Variants in RUNX1 observed in about 807,000 individuals in gnomAD.
The protein encoded by RUNX1 is RUNX family transcription factor 1.
A neutral mutation model predicts 42.8 loss-of-function variants in RUNX1; 19 were observed. The observed-to-expected ratio is 0.44, with a 90% confidence interval of 0.31 to 0.65. The LOEUF is 0.65. RUNX1 is among the 30% of genes least tolerant of loss of function. The pLI is 0.07. For synonymous variants in RUNX1, 271 were observed against 289.4 expected (o/e 0.94, Z 0.64); for missense variants, 528 against 672.0 (o/e 0.79, Z 2.37).
chr21:34,840,001 C>T (rs1051565165), intron 6 of RUNX1, among the ~76,000 whole-genome samples: 1 of 152,196 alleles, frequency 6.6e-6, no homozygotes, highest in African/African-American at 2.4e-5. Flanking sequence ...TCAATACACA[C>T]AGAGCAGCTG....
At chr21:35,045,295 G>A (rs562108315) in intron 2 of RUNX1, among the ~76,000 whole-genome samples, 3 of 152,002 alleles carry the variant, frequency 2.0e-5, no homozygotes, top group Non-Finnish European at 4.4e-5. Context: ...ACATCCAAGA[G>A]AGCAGCCAGG....
chr21:35,015,376 T>C (rs2059152207), intron 2 of RUNX1, among the ~76,000 whole-genome samples: 1 of 152,188 alleles, frequency 6.6e-6, no homozygotes, highest in Non-Finnish European at 1.5e-5. Flanking sequence ...TTTCTTCCCC[T>C]TGTTTTTGGT....
At chr21:34,867,063 T>C (rs1456645635) in intron 5 of RUNX1, among the ~76,000 whole-genome samples, 1 of 152,154 alleles carries the variant, frequency 6.6e-6, no homozygotes, top group Non-Finnish European at 1.5e-5. Flanking sequence ...CAGAATTTTA[T>C]TCATCTTTGT....
rs376963970 is a variant in RUNX1, at chr21:34,799,386, A to C, written c.882T>G (p.Pro294=). 1 of 1,614,220 alleles carries C rather than the reference A, an allele frequency of 6.2e-7. No individual in the cohort carries two copies. The highest frequency in any genetic ancestry group is 1.1e-5 in the South Asian group (1 of 91,088). Residue 294 remains proline, a synonymous_variant, in exon 8 of 9, where the codon CCT becomes CCG. Coordinates refer to ENST00000675419, the MANE Select transcript of RUNX1 (RefSeq NM_001754.5). Reference sequence around the variant, plus strand: ...AAATGGGCGTTGCTGGGTGCACAGAAGGAGAGGCAATGGATCCCAGGTATT... The same window carrying C: ...AAATGGGCGTTGCTGGGTGCACAGACGGAGAGGCAATGGATCCCAGGTATT... ...SYQYLGSIAS[P]SVHPATPISP...
chr21:34,888,945 GCCCGGGGCCCCGCCCGCGTGCGGA>G (rs2058039966), intron 3 of RUNX1, among the ~76,000 whole-genome samples: 1 of 151,502 alleles, frequency 6.6e-6, no homozygotes, highest in South Asian at 2.1e-4. Context: ...CTGCATGCTG[GCCCGGGGCCCCGCCCGCGTGCGGA>G]CCCCTTTCCG....
At chr21:34,881,392 C>A (rs1364940143) in intron 4 of RUNX1, among the ~76,000 whole-genome samples, 1 of 152,178 alleles carries the variant, frequency 6.6e-6, no homozygotes, top group African/African-American at 2.4e-5. Context: ...ACCTCCTACT[C>A]ATCGCTATTA....
intron 2 of RUNX1, among the ~76,000 whole-genome samples, chr21:34,921,049 G>A (rs2058350092): frequency 6.6e-6 from 1 of 152,072 alleles, no homozygotes; most frequent in Non-Finnish European, 1.5e-5. Context: ...AGTAGAGTCG[G>A]GGTTTCACCA....
chr21:34,987,324 A>G (rs2058896490), intron 2 of RUNX1, among the ~76,000 whole-genome samples: 1 of 152,222 alleles, frequency 6.6e-6, no homozygotes, highest in South Asian at 2.1e-4. Flanking sequence ...GGAAAGCCAG[A>G]CATTTGAGGG....
chr21:34,966,398 T>C (rs2058718532), intron 2 of RUNX1, among the ~76,000 whole-genome samples: 1 of 152,240 alleles, frequency 6.6e-6, no homozygotes, highest in African/African-American at 2.4e-5. Flanking sequence ...ATACTTTTAT[T>C]ATCCCCAGTT....
chr21:34,901,095 T>C lies in RUNX1; in HGVS notation c.59-8132A>G, dbSNP rs572071585. On this transcript the variant is annotated intron_variant, in intron 2 of 8. Coordinates refer to ENST00000675419, the MANE Select transcript of RUNX1 (RefSeq NM_001754.5). The surrounding 1 kb of genome is among the most constrained non-coding windows in gnomAD (Gnocchi z 4.3). ...TGGAATCCATCCTCATCAGAAGAAA[T>C]AACCAAGGAGCGGGAATGTGGGGAG... is the stretch of plus-strand genomic sequence containing the variant. Among the ~76,000 whole-genome samples the C allele has an allele frequency of 6.6e-6, 1 of 152,238 alleles. No homozygotes were observed. The highest frequency in any genetic ancestry group is 2.1e-4 in the South Asian group (1 of 4,820).
chr21:34,926,845 ACAT>A (rs71319520), intron 2 of RUNX1, among the ~76,000 whole-genome samples: 54,824 of 151,742 alleles, frequency 0.36, 10,119 homozygotes, highest in South Asian at 0.48. Context: ...TTCCCTAAAG[ACAT>A]CAGCACCTTA....
At chr21:34,967,003 G>GA (rs964828771) in intron 2 of RUNX1, among the ~76,000 whole-genome samples, 8 of 151,882 alleles carry the variant, frequency 5.3e-5, no homozygotes, top group East Asian at 3.9e-4. Context: ...TCAGTAAGTG[G>GA]AAAAAAATCT....
At chr21:34,911,963 C>T (rs756520741) in intron 2 of RUNX1, among the ~76,000 whole-genome samples, 20 of 152,028 alleles carry the variant, frequency 1.3e-4, no homozygotes, top group Non-Finnish European at 2.8e-4. Flanking sequence ...TCACAACTAT[C>T]ATGTCACATG....
chr21:34,791,939 G>A lies in RUNX1; in HGVS notation c.*196C>T, dbSNP rs993233494. The A allele has an allele frequency of 8.4e-6, 3 of 355,692 alleles. No individual in the cohort carries two copies. Among genetic ancestry groups the A allele is most frequent in the African/African-American group, 4.4e-5 (2 of 45,946 alleles). 22.0% of individuals were successfully genotyped at this position (355,692 alleles called of 1,614,324 possible). ...GGCCGGGGCGCCAGCAGACGGCGGC[G>A]GCGTGGGCTTCTGGGCGCAGGAGGC... On this transcript the variant is annotated 3_prime_UTR_variant, in exon 9 of 9. Coordinates refer to ENST00000675419, the MANE Select transcript of RUNX1 (RefSeq NM_001754.5).
intron 2 of RUNX1, among the ~76,000 whole-genome samples, chr21:34,919,531 C>T (rs1034737566): frequency 6.6e-6 from 1 of 152,164 alleles, no homozygotes; most frequent in African/African-American, 2.4e-5. Flanking sequence ...CCTTTTGCTG[C>T]AATAAGTCTG....
chr21:34,880,282 A>C lies in RUNX1; in HGVS notation c.508+275T>G, dbSNP rs75181041. ...GTCAGTTTTATATTTTTTGCATTTTAGTAAAAATCTCAGGCGTTTCTTTGA... is the reference window on the plus strand; with the variant it reads ...GTCAGTTTTATATTTTTTGCATTTTCGTAAAAATCTCAGGCGTTTCTTTGA... On this transcript the variant is annotated intron_variant, in intron 5 of 8. Coordinates refer to ENST00000675419, the MANE Select transcript of RUNX1 (RefSeq NM_001754.5). 0.01 allele frequency among the ~76,000 whole-genome samples: 1,578 copies of C among 152,320 alleles called. 32 individuals are homozygous for C. The highest frequency in any genetic ancestry group is 0.036 in the African/African-American group (1,479 of 41,566).
chr21:34,937,794 T>C (rs1435983458), intron 2 of RUNX1, among the ~76,000 whole-genome samples: 1 of 152,132 alleles, frequency 6.6e-6, no homozygotes, highest in Admixed American at 6.5e-5. Context: ...ATCCTAGTTT[T>C]CTCCTGCCTT....
At chr21:34,927,755 T>C (rs562937220) in intron 2 of RUNX1, among the ~76,000 whole-genome samples, 1 of 152,326 alleles carries the variant, frequency 6.6e-6, no homozygotes, top group African/African-American at 2.4e-5. Context: ...GTGAAGGCTG[T>C]TGTCTGAAAA....
At chr21:34,968,617 G>A (rs2058738210) in intron 2 of RUNX1, among the ~76,000 whole-genome samples, 1 of 151,956 alleles carries the variant, frequency 6.6e-6, no homozygotes, top group South Asian at 2.1e-4. Context: ...ATCAGTACGG[G>A]GTGTAGATGA....
Sources: allele counts gnomAD v4.1 joint callset (sites outside exome capture counted in the v4.1 genomes callset), GRCh38; gene constraint gnomAD v4.1.1; non-coding constraint Gnocchi (gnomAD v3.1); transcripts MANE v1.5; gene names NCBI Gene and HGNC (gene_info 2026-07-23, HGNC 2026-07-21).